The following NEK11 variants were observed in gnomAD, a reference collection of about 807,000 sequenced individuals.
NEK11 encodes NIMA related kinase 11, also known as serine/threonine-protein kinase Nek11.
Under a neutral mutation model 80.7 loss-of-function variants are expected in NEK11, and 72 were observed. The ratio of observed to expected loss-of-function variants is 0.89; its 90% CI spans 0.74 to 1.08. The LOEUF (loss-of-function observed/expected upper bound fraction) is 1.08, where lower values mean the gene tolerates loss of function less well. Among genes scored for constraint, NEK11 ranks in the 50% least tolerant of loss-of-function variants. NEK11 has a pLI of 0.00. For synonymous variants in NEK11, 251 were observed against 260.7 expected, an observed-to-expected ratio of 0.96 and a Z score of 0.36; for missense variants, 764 against 763.6, an observed-to-expected ratio of 1.00 and a Z score of -0.01.
At chr3:131,159,347 G>A (rs2091210048) in intron 10 of NEK11, among the ~76,000 whole-genome samples, 2 of 152,196 alleles carry the variant, frequency 1.3e-5, no homozygotes, top group African/African-American at 4.8e-5. Flanking sequence ...TCATTGAGAT[G>A]CAGGAGCACA....
intron 16 of NEK11, among the ~76,000 whole-genome samples, chr3:131,245,380 G>A (rs2095584761): frequency 6.6e-6 from 1 of 151,568 alleles, no homozygotes; most frequent in Non-Finnish European, 1.5e-5. Flanking sequence ...CCATATCTTT[G>A]CTGTTGTGAA....
At chr3:131,116,722 G>T (rs1426914480) in intron 5 of NEK11, among the ~76,000 whole-genome samples, 4 of 152,208 alleles carry the variant, frequency 2.6e-5, no homozygotes, top group East Asian at 1.9e-4. Context: ...TTCTCTGATG[G>T]CCAGTGATGA....
chr3:131,122,010 A>G (rs1199825338), intron 5 of NEK11, among the ~76,000 whole-genome samples: 1 of 152,204 alleles, frequency 6.6e-6, no homozygotes, highest in African/African-American at 2.4e-5. Flanking sequence ...CCCCAGTGAG[A>G]TGAACCCGGT....
chr3:131,330,627 G>A (rs1269549495), intron 17 of NEK11: 1 of 152,146 alleles, frequency 6.6e-6, no homozygotes, highest in African/African-American at 2.4e-5. Flanking sequence ...CCTATTTGAA[G>A]AGTCTGTCAT....
intron 14 of NEK11, among the ~76,000 whole-genome samples, chr3:131,205,211 G>T (rs2094408192): frequency 6.6e-6 from 1 of 152,138 alleles, no homozygotes; most frequent in Admixed American, 6.5e-5. Flanking sequence ...CAAATGGATA[G>T]GGCTAGATCA....
intron 17 of NEK11, among the ~76,000 whole-genome samples, chr3:131,294,797 T>G (rs2096576436): frequency 6.6e-6 from 1 of 152,170 alleles, no homozygotes; most frequent in Non-Finnish European, 1.5e-5. Context: ...TTTGACTTCT[T>G]AGAGAATTGA....
Position 131,170,844 on chromosome 3 carries a change from T to C in NEK11, c.1356T>C (p.Leu452=). 1 of 1,614,024 alleles carries C rather than the reference T, an allele frequency of 6.2e-7. No individual in the cohort carries two copies. Among genetic ancestry groups the C allele is most frequent in the Non-Finnish European group, 8.5e-7 (1 of 1,179,900 alleles). The change falls in exon 14 of 18, where the codon CTT becomes CTC. Residue 452 remains leucine (L), a synonymous_variant. Coordinates refer to ENST00000383366, the MANE Select transcript of NEK11 (RefSeq NM_024800.5). ...QPIPSMDLHE[L]ESIVEDATSD... is the part of the protein sequence containing the mutation. ...TTCCTTCCATGGACCTCCACGAACTTGAATCAATTGTAGAGGATGCCACAT... is the reference window on the plus strand; with the variant it reads ...TTCCTTCCATGGACCTCCACGAACTCGAATCAATTGTAGAGGATGCCACAT...
At chr3:131,123,459 A>G (rs1243351857) in intron 5 of NEK11, among the ~76,000 whole-genome samples, 1 of 152,044 alleles carries the variant, frequency 6.6e-6, no homozygotes, top group African/African-American at 2.4e-5. Flanking sequence ...GCCACCATGC[A>G]TGGCCAATTA....
chr3:131,141,922 G>A (rs1224050325), intron 7 of NEK11, among the ~76,000 whole-genome samples: 1 of 152,158 alleles, frequency 6.6e-6, no homozygotes, highest in Admixed American at 6.5e-5. Context: ...ATCTGCTAAA[G>A]GCTGTTAAGC....
chr3:131,236,828 G>A (rs1259616501), intron 15 of NEK11, among the ~76,000 whole-genome samples: 6 of 152,182 alleles, frequency 3.9e-5, no homozygotes, highest in African/African-American at 9.7e-5. Flanking sequence ...TGTGCTAAAC[G>A]GCATCTTCTG....
At chr3:131,195,190 A>G (rs1483288308) in intron 14 of NEK11, among the ~76,000 whole-genome samples, 3 of 152,134 alleles carry the variant, frequency 2.0e-5, no homozygotes, top group Non-Finnish European at 4.4e-5. Flanking sequence ...TGTTGTGTGT[A>G]GGATATACAA....
At chr3:131,348,442 T>C (rs1207515496) in intron 17 of NEK11, among the ~76,000 whole-genome samples, 3 of 151,878 alleles carry the variant, frequency 2.0e-5, no homozygotes, top group Non-Finnish European at 2.9e-5. Flanking sequence ...GAGCCTGGTA[T>C]AAGATGATAA....
chr3:131,233,126 G>C (rs551260530), intron 15 of NEK11, among the ~76,000 whole-genome samples: 2 of 152,044 alleles, frequency 1.3e-5, no homozygotes, highest in African/African-American at 4.8e-5. Flanking sequence ...GAAGGAGGGA[G>C]GGAGGGAGAG....
intron 14 of NEK11, among the ~76,000 whole-genome samples, chr3:131,188,387 T>G (rs1237131731): frequency 2.6e-5 from 4 of 152,206 alleles, no homozygotes; most frequent in Non-Finnish European, 1.5e-5. Flanking sequence ...ACTTTTGCAC[T>G]AACCTAGTAT....
At chr3:131,105,987 C>T (rs986157943) in intron 4 of NEK11, among the ~76,000 whole-genome samples, 1 of 152,142 alleles carries the variant, frequency 6.6e-6, no homozygotes, top group Non-Finnish European at 1.5e-5. Flanking sequence ...TGTATACTTG[C>T]ATATAAAGTT....
intron 10 of NEK11, among the ~76,000 whole-genome samples, chr3:131,155,733 C>T (rs2090543691): frequency 6.6e-6 from 1 of 152,152 alleles, no homozygotes; most frequent in South Asian, 2.1e-4. Context: ...CAGTCATGCA[C>T]AACTATGGTA....
chr3:131,104,586 G>A (rs966232408), intron 4 of NEK11, among the ~76,000 whole-genome samples: 4 of 152,096 alleles, frequency 2.6e-5, no homozygotes, highest in African/African-American at 9.7e-5. Flanking sequence ...ATTGGGGTGG[G>A]GTGGCTGTGA....
In NEK11 at chr3:131,273,525, C is replaced by A; in HGVS notation, c.1669C>A (p.Pro557Thr). 6.2e-7 allele frequency: 1 copy of A among 1,614,026 alleles called. No homozygotes were observed. Among genetic ancestry groups the A allele is most frequent in the Non-Finnish European group, 8.5e-7 (1 of 1,179,936 alleles). ...TMAEDMSPGP[P>T]IFNSVMARTK... ...GGCTGAAGACATGTCCCCAGGACCA[C>A]CAATTTTCAACAGTGTGATGGCCAG... The change falls in exon 17 of 18, where the codon CCA becomes ACA. Residue 557 changes from proline to threonine, a missense_variant. By Grantham distance (38) the Pro-to-Thr change is conservative. Transcript: ENST00000383366.
chr3:131,155,510 T>A (rs141285722), intron 10 of NEK11, among the ~76,000 whole-genome samples: 2 of 152,198 alleles, frequency 1.3e-5, no homozygotes, highest in African/African-American at 4.8e-5. Context: ...CAAGAAAACA[T>A]TGTGGAGTCC....
Sources: allele counts gnomAD v4.1 joint callset (sites outside exome capture counted in the v4.1 genomes callset), GRCh38; gene constraint gnomAD v4.1.1; transcripts MANE v1.5; gene names NCBI Gene and HGNC (gene_info 2026-07-23, HGNC 2026-07-21).